The following TUSC3 variants were observed in gnomAD, a reference collection of about 807,000 sequenced individuals.
The protein encoded by TUSC3 is dolichyl-diphosphooligosaccharide--protein glycosyltransferase subunit TUSC3.
In TUSC3, 45 loss-of-function variants were observed where a neutral mutation model predicts 44.8. The observed-to-expected ratio is 1.00, with a 90% CI of 0.79 to 1.29. The LOEUF (loss-of-function observed/expected upper bound fraction) is 1.29, where lower values mean the gene tolerates loss of function less well. TUSC3 is among the 50% of genes most tolerant of loss of function. TUSC3 has a pLI of 0.00. For missense variants in TUSC3, 519 were observed against 437.9 expected, an observed-to-expected ratio of 1.19 and a Z score of -1.65; for synonymous variants, 212 against 152.9, an observed-to-expected ratio of 1.39 and a Z score of -2.85.
intron 1 of TUSC3, among the ~76,000 whole-genome samples, chr8:15,593,452 A>G (rs1403401132): frequency 4.6e-5 from 7 of 152,172 alleles, no homozygotes; most frequent in Non-Finnish European, 8.8e-5. Context: ...TGTTTTCACC[A>G]TGATTAGAGC....
In TUSC3 at chr8:15,443,387, T is replaced by C. The variant is rs118139814; in HGVS notation, n.91+26082T>C. On this transcript the variant is annotated intron_variant and non_coding_transcript_variant, in intron 1 of 5. Coordinates refer to the TUSC3 transcript ENST00000503191. ...GTGTGTGTGTGTGTGTGTGTAAAGA[T>C]GGGGTTTCACCATGTTGCCTAGGGT... Among the ~76,000 whole-genome samples the C allele has an allele frequency of 2.4e-3, 353 of 147,682 alleles. 8 individuals are homozygous for C. The East Asian group carries it at 0.065, about 27-fold the overall frequency.
intron 1 of TUSC3, among the ~76,000 whole-genome samples, chr8:15,447,302 T>C (rs1800118785): frequency 3.9e-5 from 6 of 152,102 alleles, no homozygotes; most frequent in Admixed American, 3.9e-4. Flanking sequence ...AAAAACGTTA[T>C]AACTCAATTA....
chr8:15,457,388 G>T (rs1800271178), intron 1 of TUSC3, among the ~76,000 whole-genome samples: 1 of 151,342 alleles, frequency 6.6e-6, no homozygotes, highest in Admixed American at 6.6e-5. Context: ...AAAACATATG[G>T]CCAATAATCA....
At chr8:15,817,076 G>T in the TUSC3 span, among the ~76,000 whole-genome samples, 2 of 152,110 alleles carry the variant, frequency 1.3e-5, no homozygotes, top group African/African-American at 4.8e-5. Context: ...AGTAATTTCC[G>T]TACAGTCTGG....
At chr8:15,789,955 G>C in the TUSC3 span, among the ~76,000 whole-genome samples, 831 of 152,218 alleles carry the variant, frequency 5.5e-3, 9 homozygotes, top group African/African-American at 0.019. Flanking sequence ...GTGGTAGACA[G>C]CAATGTTTAT....
the TUSC3 span, among the ~76,000 whole-genome samples, chr8:15,792,913 C>T: frequency 6.6e-6 from 1 of 152,048 alleles, no homozygotes; most frequent in African/African-American, 2.4e-5. Context: ...GTCACCATGC[C>T]CGACCACCTA....
downstream of TUSC3, among the ~76,000 whole-genome samples, chr8:15,770,652 G>A (rs1238817279): frequency 3.3e-5 from 5 of 152,038 alleles, no homozygotes; most frequent in Non-Finnish European, 2.9e-5. Context: ...GTAATAATTG[G>A]AAAAGTCATT....
intron 2 of TUSC3, among the ~76,000 whole-genome samples, chr8:15,637,962 C>T (rs1173439753): frequency 2.0e-5 from 3 of 152,148 alleles, no homozygotes; most frequent in Non-Finnish European, 4.4e-5. Flanking sequence ...CCCACTAATG[C>T]ATGTCTGCTT....
intron 2 of TUSC3, among the ~76,000 whole-genome samples, chr8:15,628,726 C>T (rs866622272): frequency 4.6e-5 from 7 of 152,138 alleles, no homozygotes; most frequent in African/African-American, 9.7e-5. Flanking sequence ...ATTGAGATAC[C>T]GTTTTTGAAA....
chr8:15,446,795 T>C (rs1800110827), intron 1 of TUSC3, among the ~76,000 whole-genome samples: 1 of 149,100 alleles, frequency 6.7e-6, no homozygotes. Flanking sequence ...TAAGAATAAT[T>C]TACAGATTAA....
Position 15,765,638 on chromosome 8 carries a change from AAT to A in TUSC3, c.*1483_*1484del. ...TAATATTCAGTGAAAATTACGTAAT[AAT>A]TGTAAGTTTATAATCATACTCCCAA... On this transcript the variant is annotated 3_prime_UTR_variant, in exon 11 of 11. Coordinates refer to ENST00000503731, the MANE Select transcript of TUSC3 (RefSeq NM_006765.4). 6.6e-6 allele frequency: 1 copy of A among 152,096 alleles called. No individual in the cohort carries two copies. Among genetic ancestry groups the A allele is most frequent in the Non-Finnish European group, 1.5e-5 (1 of 67,976 alleles). The allele number at this position is 152,096 out of a possible 1,614,324, so 9.4% of individuals were successfully genotyped here. A position where few individuals can be genotyped will look rare whatever the true frequency, so the allele number is the denominator to read the frequency against.
rs1251607337 is a variant in TUSC3 at position 15,485,540 on chromosome 8, C to G, written n.189+2057C>G. ...TGCAGGGCCACTTGCATTCTCTGCTCCTCCTCATTGGGCCTACAAACACGA... is the reference window on the plus strand; with the variant it reads ...TGCAGGGCCACTTGCATTCTCTGCTGCTCCTCATTGGGCCTACAAACACGA... On this transcript the variant is annotated intron_variant and non_coding_transcript_variant, in intron 2 of 5. Coordinates refer to the TUSC3 transcript ENST00000503191. Among the ~76,000 whole-genome samples, 6 of 146,378 alleles carry G rather than the reference C, an allele frequency of 4.1e-5. No homozygotes were observed. The South Asian group carries it at 6.5e-4, about 16-fold the overall frequency.
intron 1 of TUSC3, among the ~76,000 whole-genome samples, chr8:15,579,904 G>A (rs1803259447): frequency 2.2e-5 from 1 of 45,280 alleles, no homozygotes; most frequent in Non-Finnish European, 5.2e-5. Context: ...TTTGTCTAAT[G>A]TTGACAGTGG....
the TUSC3 span, among the ~76,000 whole-genome samples, chr8:15,772,898 A>G: frequency 2.0e-5 from 3 of 152,322 alleles, no homozygotes; most frequent in Admixed American, 1.3e-4. Context: ...GAAGAGGGAA[A>G]GCTTACATAA....
intron 2 of TUSC3, among the ~76,000 whole-genome samples, chr8:15,484,327 C>G: frequency 6.6e-6 from 1 of 152,184 alleles, no homozygotes; most frequent in East Asian, 1.9e-4. Flanking sequence ...ATTAATCTCT[C>G]CTTATCAGAA....
the TUSC3 span, among the ~76,000 whole-genome samples, chr8:15,787,796 T>C: frequency 6.6e-6 from 1 of 152,188 alleles, no homozygotes; most frequent in African/African-American, 2.4e-5. Context: ...AGAGGTGATA[T>C]TAAGACCGTT....
chr8:15,691,291 T>G (rs573993766), intron 6 of TUSC3, among the ~76,000 whole-genome samples: 1 of 152,324 alleles, frequency 6.6e-6, no homozygotes, highest in East Asian at 1.9e-4. Context: ...GATTTCATTC[T>G]TAATTTGGCT....
At chr8:15,418,427 A>G (rs1799687543) in intron 1 of TUSC3, among the ~76,000 whole-genome samples, 1 of 152,226 alleles carries the variant, frequency 6.6e-6, no homozygotes, top group Non-Finnish European at 1.5e-5. Context: ...TATTTACTTC[A>G]AACAGTATTT....
At chr8:15,530,359 A>G (rs1203397408) in intron 2 of TUSC3, among the ~76,000 whole-genome samples, 1 of 152,126 alleles carries the variant, frequency 6.6e-6, no homozygotes, top group Non-Finnish European at 1.5e-5. Context: ...GATGTGTGAA[A>G]TTTGGTTAAA....
Sources: gnomAD v4.1 joint callset for allele counts (sites outside exome capture counted in the v4.1 genomes callset) on GRCh38, gnomAD v4.1.1 for gene constraint, MANE v1.5 for transcripts, NCBI Gene and HGNC (gene_info 2026-07-23, HGNC 2026-07-21) for gene names.